Variants in VAT1L observed in about 807,000 individuals in gnomAD.
VAT1L encodes the protein vesicle amine transport 1 like.
In VAT1L, 34 loss-of-function variants were observed where a neutral mutation model predicts 44.1. The ratio of observed to expected loss-of-function variants is 0.77; its 90% CI spans 0.59 to 1.03. The LOEUF (loss-of-function observed/expected upper bound fraction) is 1.03, where lower values mean the gene tolerates loss of function less well. Ranked by LOEUF, VAT1L falls within the 50% of genes least tolerant of loss-of-function variation. The probability of loss-of-function intolerance (pLI) is 0.00; values close to 1 mark genes in which losing one functional copy is unlikely to be tolerated. For missense variants in VAT1L, 615 were observed against 538.8 expected (o/e 1.14, Z -1.40); for synonymous variants, 253 against 202.2 (o/e 1.25, Z -2.13).
intron 2 of VAT1L, among the ~76,000 whole-genome samples, chr16:77,819,158 T>A (rs1004085362): frequency 6.6e-6 from 1 of 152,018 alleles, no homozygotes; most frequent in African/African-American, 2.4e-5. Flanking sequence ...AAAGGAGAGA[T>A]CTGGGAGCAG....
At chr16:77,905,089 A>C (rs16946785) in intron 7 of VAT1L, among the ~76,000 whole-genome samples, 33,171 of 152,088 alleles carry the variant, frequency 0.22, 3,703 homozygotes, top group South Asian at 0.26. Context: ...TTCAAATCTG[A>C]CTAATGTGGT....
chr16:77,977,743 A>AC lies in VAT1L; in HGVS notation c.*51dup, dbSNP rs2018356879. On this transcript the variant is annotated 3_prime_UTR_variant, in exon 9 of 9. Transcript: ENST00000302536. The stretch of plus-strand genomic sequence containing the variant: ...GTGAAGGATGGTTTGGAAGATGAGG[A>AC]CCCGGCTGAGAAAACTCTTCTGTGC... The AC allele has an allele frequency of 6.4e-7, 1 of 1,572,436 alleles. No homozygotes were observed. The highest frequency in any genetic ancestry group is 1.4e-5 in the African/African-American group (1 of 74,070).
chr16:77,847,887 C>A (rs1010782798), intron 3 of VAT1L, among the ~76,000 whole-genome samples: 1 of 152,260 alleles, frequency 6.6e-6, no homozygotes, highest in African/African-American at 2.4e-5. Flanking sequence ...AGGCTGTCAA[C>A]AAAGAAATAT....
intron 1 of VAT1L, 102 bp from the exon 2 acceptor site, chr16:77,816,819 G>GGGAGGAAA: frequency 1.4e-6 from 2 of 1,381,012 alleles, no homozygotes; most frequent in Non-Finnish European, 1.9e-6. Flanking sequence ...GAAGAAGGGA[G>GGGAGGAAA]GGAGGAAAGG....
intron 7 of VAT1L, among the ~76,000 whole-genome samples, chr16:77,900,705 A>G (rs1427999719): frequency 6.8e-6 from 1 of 147,210 alleles, no homozygotes; most frequent in Non-Finnish European, 1.5e-5. Context: ...GAAAAAAAAA[A>G]AAAGAAAATA....
chr16:77,903,438 G>T (rs888599998), intron 7 of VAT1L, among the ~76,000 whole-genome samples: 1 of 152,012 alleles, frequency 6.6e-6, no homozygotes, highest in Admixed American at 6.6e-5. Context: ...AGTTTCTGAG[G>T]GTGAAAATTA....
chr16:77,820,238 AG>A (rs779820516), intron 2 of VAT1L, among the ~76,000 whole-genome samples: 1 of 152,136 alleles, frequency 6.6e-6, no homozygotes, highest in Non-Finnish European at 1.5e-5. Flanking sequence ...TAACACTAGG[AG>A]GAGATGACAA....
chr16:77,793,571 C>G (rs2015874167), intron 1 of VAT1L, among the ~76,000 whole-genome samples: 1 of 152,070 alleles, frequency 6.6e-6, no homozygotes, highest in Non-Finnish European at 1.5e-5. Flanking sequence ...GGTTGGGCTG[C>G]AGGAATGTAT....
chr16:77,813,940 T>C (rs1172300048), intron 1 of VAT1L, among the ~76,000 whole-genome samples: 2 of 152,166 alleles, frequency 1.3e-5, no homozygotes, highest in Non-Finnish European at 2.9e-5. Context: ...GGGCGGGGCA[T>C]AGAGAAGTTC....
chr16:77,966,365 A>G (rs1349631104), intron 7 of VAT1L, among the ~76,000 whole-genome samples: 1 of 152,148 alleles, frequency 6.6e-6, no homozygotes, highest in Non-Finnish European at 1.5e-5. Context: ...GAGGGCAAAT[A>G]CTTAGAAGAG....
intron 7 of VAT1L, among the ~76,000 whole-genome samples, chr16:77,913,927 G>C (rs1176955732): frequency 6.6e-6 from 1 of 152,190 alleles, no homozygotes; most frequent in African/African-American, 2.4e-5. Context: ...TCTTGGTAGA[G>C]AGGCTCTTAT....
chr16:77,950,149 C>T (rs1229423575), intron 7 of VAT1L, among the ~76,000 whole-genome samples: 1 of 152,178 alleles, frequency 6.6e-6, no homozygotes, highest in Admixed American at 6.5e-5. Context: ...TGGCTCACGC[C>T]TGTAATCCCA....
At chr16:77,909,744 AG>A in intron 7 of VAT1L, among the ~76,000 whole-genome samples, 1 of 151,906 alleles carries the variant, frequency 6.6e-6, no homozygotes, top group Admixed American at 6.6e-5. Context: ...TTGGTAGGTA[AG>A]GGGGCAACGG....
intron 7 of VAT1L, among the ~76,000 whole-genome samples, chr16:77,919,268 A>G (rs2017585878): frequency 6.6e-6 from 1 of 152,230 alleles, no homozygotes; most frequent in Non-Finnish European, 1.5e-5. Flanking sequence ...TTTGCAAACC[A>G]GACCGGTGCC....
rs116324346 is a variant in VAT1L, at chr16:77,819,348, T to A, written c.363+2298T>A. 7.6e-3 allele frequency among the ~76,000 whole-genome samples: 1,164 copies of A among 152,276 alleles called. 18 individuals are homozygous for A. Among genetic ancestry groups the A allele is most frequent in the African/African-American group, 0.027 (1,120 of 41,544 alleles). On this transcript the variant is annotated intron_variant, in intron 2 of 8. Coordinates refer to ENST00000302536, the MANE Select transcript of VAT1L (RefSeq NM_020927.3). ...GTATTAGACCCTAGTTATCTTCTGA[T>A]GCACTGAAGATGATATTCTTTTCTT...
At chr16:77,901,132 G>C (rs188879386) in intron 7 of VAT1L, among the ~76,000 whole-genome samples, 3 of 147,296 alleles carry the variant, frequency 2.0e-5, no homozygotes, top group African/African-American at 7.5e-5. Flanking sequence ...GATGGTGGTA[G>C]GTGTGTGACC....
At chr16:77,810,418 C>G (rs752635738) in intron 1 of VAT1L, among the ~76,000 whole-genome samples, 34 of 152,222 alleles carry the variant, frequency 2.2e-4, no homozygotes, top group Middle Eastern at 6.8e-3. Context: ...GAACCATTCA[C>G]AATACTACTA....
intron 7 of VAT1L, among the ~76,000 whole-genome samples, chr16:77,965,351 T>A (rs436020): frequency 0.24 from 36,667 of 151,996 alleles, 4,775 homozygotes; most frequent in South Asian, 0.31. Flanking sequence ...CAGAACCAGG[T>A]TTCAGCCCTG....
chr16:77,951,566 G>T lies in VAT1L; in HGVS notation c.1078-20284G>T, dbSNP rs563305433. Among the ~76,000 whole-genome samples, 371 of 150,964 alleles carry T rather than the reference G, an allele frequency of 2.5e-3. 3 individuals carry two copies. Among genetic ancestry groups the T allele is most frequent in the Middle Eastern group, 0.01 (3 of 290 alleles). On this transcript the variant is annotated intron_variant, in intron 7 of 8. Coordinates refer to ENST00000302536, the MANE Select transcript of VAT1L (RefSeq NM_020927.3). ...GTCTCAAAAATAAATAAATAAATAGGACTTAAAAGTATGAGTGCGTGTATA... is the reference window on the plus strand; with the variant it reads ...GTCTCAAAAATAAATAAATAAATAGTACTTAAAAGTATGAGTGCGTGTATA...
Sources: gnomAD v4.1 joint callset for allele counts (sites outside exome capture counted in the v4.1 genomes callset) on GRCh38, gnomAD v4.1.1 for gene constraint, MANE v1.5 for transcripts, NCBI Gene and HGNC (gene_info 2026-07-23, HGNC 2026-07-21) for gene names.